Variants in CEP170B observed in about 807,000 individuals in gnomAD.
CEP170B encodes the protein centrosomal protein of 170 kDa protein B.
CEP170B carries 55 observed loss-of-function variants against 120.6 expected under a neutral mutation model. That is an observed-to-expected ratio of 0.46 (90% confidence interval 0.37 to 0.57). The LOEUF (loss-of-function observed/expected upper bound fraction) is 0.57, where lower values mean the gene tolerates loss of function less well. Among genes scored for constraint, CEP170B ranks in the 20% least tolerant of loss-of-function variants. CEP170B has a pLI of 0.00. For synonymous variants in CEP170B, 1,033 were observed against 954.5 expected (o/e 1.08, Z -1.52); for missense variants, 2,212 against 2,253.3 (o/e 0.98, Z 0.37).
chr14:104,889,389 C>T, intron 12 of CEP170B: 1 of 1,054,892 alleles, frequency 9.5e-7, no homozygotes. Flanking sequence ...TGGGTGGGGG[C>T]ACCAGCCTCG....
At chr14:104,892,284 CCT>C in intron 13 of CEP170B, among the ~76,000 whole-genome samples, 1 of 152,144 alleles carries the variant, frequency 6.6e-6, no homozygotes, top group Non-Finnish European at 1.5e-5. Context: ...CCGGCAGGCC[CCT>C]GTCCTCGCTG....
Position 104,883,880 on chromosome 14 carries a change from C to T in CEP170B, c.1101C>T (p.Ala367=), listed in dbSNP as rs753476130. ...GTQSDSEDPL[A]KAASAAGVPL... ...AGAGTGACTCAGAGGACCCCCTGGC[C>T]AAGGCGGCCTCGGCCGCTGGGGTGC... Residue 367 remains alanine (A), a synonymous_variant, in exon 9 of 19, where the codon GCC becomes GCT. Transcript: ENST00000414716. 8 of 1,579,484 alleles carry T rather than the reference C, an allele frequency of 5.1e-6. No individual in the cohort carries two copies. Among genetic ancestry groups the T allele is most frequent in the Non-Finnish European group, 6.9e-6 (8 of 1,163,456 alleles).
In CEP170B at chr14:104,884,470, T is replaced by C. The variant is rs1255228065; in HGVS notation, c.1691T>C (p.Leu564Pro). 6.4e-7 allele frequency: 1 copy of C among 1,559,394 alleles called. No homozygotes were observed. The highest frequency in any genetic ancestry group is 1.7e-4 in the Middle Eastern group (1 of 5,900). The change falls in exon 9 of 19, where the codon CTC (leucine) becomes CCC (proline). Residue 564 changes from leucine to proline, a missense_variant. Transcript: ENST00000414716. ...KARKQEEDDS[L>P]SDAGTYTIET... ...CGGAAACAGGAGGAGGACGACAGCC[T>C]CAGTGACGCAGGGACATACACCATC...
chr14:104,872,351 T>TGTGTGTGC (rs1555390621), intron 2 of CEP170B, among the ~76,000 whole-genome samples: 1 of 120,636 alleles, frequency 8.3e-6, no homozygotes, highest in Non-Finnish European at 1.7e-5. Context: ...TGTGTGTGCG[T>TGTGTGTGC]GTGTGTGCCG....
At position 104,867,756 on chromosome 14, in the gene CEP170B, A is replaced by G. The variant is rs1225278351; in HGVS notation, c.-27-668A>G. Among the ~76,000 whole-genome samples, 1 of 151,972 alleles carries G rather than the reference A, an allele frequency of 6.6e-6. No homozygotes were observed. On this transcript the variant is annotated intron_variant, in intron 1 of 18. Coordinates refer to ENST00000414716, the MANE Select transcript of CEP170B (RefSeq NM_001112726.3). This position sits in a 1 kb window ranked among gnomAD's most constrained non-coding sequence, Gnocchi z 5.4. ...TGATGTCACTGGGACTATGGGCACCAAAGCCTCACTTCCCTCTTGGGCACT... is the reference window on the plus strand; with the variant it reads ...TGATGTCACTGGGACTATGGGCACCGAAGCCTCACTTCCCTCTTGGGCACT...
rs949446996 is a variant in CEP170B, at chr14:104,885,926, G to A, written c.1945-114G>A. The A allele has an allele frequency of 3.2e-5, 30 of 923,336 alleles. No homozygotes were observed. The Middle Eastern group carries it at 1.5e-3, about 48-fold the overall frequency. 57.2% of individuals were successfully genotyped at this position (923,336 alleles called of 1,614,324 possible). A position where few individuals can be genotyped will look rare whatever the true frequency, so the allele number is the denominator to read the frequency against. ...GCTCATGCGGCAGGCCCTGGGTGGC[G>A]CGCATGCGTGGGGCTGGTGTTGGCT... On this transcript the variant is annotated intron_variant, in intron 10 of 18. Coordinates refer to ENST00000414716, the MANE Select transcript of CEP170B (RefSeq NM_001112726.3).
intron 6 of CEP170B, among the ~76,000 whole-genome samples, chr14:104,882,369 G>A (rs940666448): frequency 1.3e-5 from 2 of 152,146 alleles, no homozygotes; most frequent in Admixed American, 6.5e-5. Context: ...CGGGAAGGCC[G>A]GGGCAGGGTT....
In CEP170B at chr14:104,884,452, A is replaced by G. The variant is rs755068276; in HGVS notation, c.1673A>G (p.Gln558Arg). 1.3e-6 allele frequency: 2 copies of G among 1,555,312 alleles called. No individual in the cohort carries two copies. The highest frequency in any genetic ancestry group is 4.8e-5 in the East Asian group (2 of 41,552). ...CCCCAGCTGACCAAGGCACGGAAACAGGAGGAGGACGACAGCCTCAGTGAC... is the reference window on the plus strand; with the variant it reads ...CCCCAGCTGACCAAGGCACGGAAACGGGAGGAGGACGACAGCCTCAGTGAC... ...TDPQLTKARK[Q>R]EEDDSLSDAG... The change falls in exon 9 of 19, where the codon CAG becomes CGG. Residue 558 changes from glutamine to arginine, a missense_variant. By Grantham distance (43) the Gln-to-Arg change is conservative (BLOSUM62 1). Transcript: ENST00000414716.
At chr14:104,893,225 T>C (rs1896935145) in intron 14 of CEP170B, 90 bp downstream of exon 14, 3 of 1,388,340 alleles carry the variant, frequency 2.2e-6, no homozygotes, top group East Asian at 2.5e-5. Context: ...ATGCCTCGGC[T>C]GAGGCCCTGC....
In CEP170B at chr14:104,887,695, C is replaced by T. The variant is rs774917335; in HGVS notation, c.3456C>T (p.Pro1152=). The change falls in exon 12 of 19, where the codon CCC becomes CCT. Residue 1152 remains proline (P), a synonymous_variant. Transcript: ENST00000414716. ...GGGGGTCCCTGGGCAACCCTGAGCCCGTGGGCCGGCCAGCTGCTGAGCAGG... is the reference window on the plus strand; with the variant it reads ...GGGGGTCCCTGGGCAACCCTGAGCCTGTGGGCCGGCCAGCTGCTGAGCAGG... ...GERGSLGNPE[P]VGRPAAEQAK... The T allele has an allele frequency of 1.8e-5, 29 of 1,584,270 alleles. No individual in the cohort carries two copies. Among genetic ancestry groups the T allele is most frequent in the African/African-American group, 9.4e-5 (7 of 74,382 alleles).
At position 104,895,158 on chromosome 14, in the gene CEP170B, G is replaced by A. The variant is rs1897023558; in HGVS notation, c.*200G>A. On this transcript the variant is annotated 3_prime_UTR_variant, in exon 19 of 19. Coordinates refer to ENST00000414716, the MANE Select transcript of CEP170B (RefSeq NM_001112726.3). ...CCTACTCACCCTGTCCAGCCCCATG[G>A]CCACCCCCACCCCTGCCTCGCCCCC... 7.0e-6 allele frequency: 4 copies of A among 568,112 alleles called. No homozygotes were observed. The South Asian group carries it at 1.1e-4, about 15-fold the overall frequency. The allele number at this position is 568,112 out of a possible 1,614,324, so 35.2% of individuals were successfully genotyped here. A position where few individuals can be genotyped will look rare whatever the true frequency, so the allele number is the denominator to read the frequency against.
At position 104,893,811 on chromosome 14, in the gene CEP170B, C is replaced by T. The variant is rs1298376739; in HGVS notation, c.4233C>T (p.Ala1411=). 6.2e-7 allele frequency: 1 copy of T among 1,612,580 alleles called. No individual in the cohort carries two copies. Among genetic ancestry groups the T allele is most frequent in the Non-Finnish European group, 8.5e-7 (1 of 1,179,698 alleles). The change falls in exon 16 of 19, where the codon GCC becomes GCT. Residue 1411 remains alanine, a synonymous_variant. Coordinates refer to ENST00000414716, the MANE Select transcript of CEP170B (RefSeq NM_001112726.3). ...ACCCGGTGTCCCAGCTGTCGCAGGCCATCCGTGAGAACACAGAGCACCTTG... is the reference window on the plus strand; with the variant it reads ...ACCCGGTGTCCCAGCTGTCGCAGGCTATCCGTGAGAACACAGAGCACCTTG... The part of the protein sequence containing the change: ...MLNPVSQLSQ[A]IRENTEHLAE...
Position 104,887,779 on chromosome 14 carries a change from C to T in CEP170B, c.3540C>T (p.Phe1180=). 6.3e-7 allele frequency: 1 copy of T among 1,584,710 alleles called. No individual in the cohort carries two copies. The highest frequency in any genetic ancestry group is 8.6e-7 in the Non-Finnish European group (1 of 1,167,276). ...LAMPRKRAGS[F]TGTSDPEAAP... ...TGCCCCGGAAGCGGGCCGGCTCCTT[C>T]ACAGGGACTAGTGACCCCGAGGCAG... The change falls in exon 12 of 19, where the codon TTC becomes TTT. Residue 1180 remains phenylalanine, a synonymous_variant. Coordinates refer to ENST00000414716, the MANE Select transcript of CEP170B (RefSeq NM_001112726.3).
intron 2 of CEP170B, among the ~76,000 whole-genome samples, chr14:104,869,222 G>A (rs1895348574): frequency 6.6e-6 from 1 of 152,196 alleles, no homozygotes; most frequent in South Asian, 2.1e-4. Flanking sequence ...CTGGCCTGAT[G>A]TCCTTCCTCT....
At chr14:104,871,930 C>T (rs1384267489) in intron 2 of CEP170B, among the ~76,000 whole-genome samples, 3 of 152,220 alleles carry the variant, frequency 2.0e-5, no homozygotes, top group African/African-American at 7.2e-5. Context: ...CGTGCTGTCC[C>T]ACGGACCACG....
chr14:104,889,518 C>G, intron 12 of CEP170B, 102 bp from the exon 13 acceptor site: 1 of 1,577,796 alleles, frequency 6.3e-7, no homozygotes, highest in Non-Finnish European at 8.5e-7. Flanking sequence ...CACCAAGACA[C>G]GAGGCGCCGG....
At chr14:104,880,544 C>T in intron 6 of CEP170B, 119 bp downstream of exon 6, 2 of 1,424,998 alleles carry the variant, frequency 1.4e-6, no homozygotes, top group South Asian at 2.7e-5. Context: ...ACACCCATAC[C>T]CCTCACCCTT....
intron 5 of CEP170B, among the ~76,000 whole-genome samples, chr14:104,879,686 G>A (rs1013673958): frequency 5.3e-5 from 8 of 152,176 alleles, no homozygotes; most frequent in East Asian, 1.9e-4. Context: ...GGAGGCCGAC[G>A]GTGGCAGCCT....
chr14:104,886,714 A>T lies in CEP170B; in HGVS notation c.2475A>T (p.Thr825=), dbSNP rs762280266. 6.3e-7 allele frequency: 1 copy of T among 1,594,334 alleles called. No homozygotes were observed. The change falls in exon 12 of 19, where the codon ACA becomes ACT. Residue 825 remains threonine (T), a synonymous_variant. Transcript: ENST00000414716. ...APGDGEGLGQ[T]AQPSPPARDG... is the part of the protein sequence containing the mutation. Reference sequence around the variant, plus strand: ...GGGATGGGGAGGGCCTAGGGCAGACAGCCCAGCCCAGCCCCCCAGCACGGG... The same window carrying T: ...GGGATGGGGAGGGCCTAGGGCAGACTGCCCAGCCCAGCCCCCCAGCACGGG...
Sources: gnomAD v4.1 joint callset for allele counts (sites outside exome capture counted in the v4.1 genomes callset) on GRCh38, gnomAD v4.1.1 for gene constraint, Gnocchi (gnomAD v3.1) non-coding constraint, MANE v1.5 for transcripts, NCBI Gene and HGNC (gene_info 2026-07-23, HGNC 2026-07-21) for gene names.